The following TTC13 variants were observed in gnomAD, a reference collection of about 807,000 sequenced individuals.
TTC13 encodes the protein tetratricopeptide repeat protein 13.
Under a neutral mutation model 120.0 loss-of-function variants are expected in TTC13, and 62 were observed. That is an observed-to-expected ratio of 0.52 (90% CI 0.42 to 0.64). The LOEUF (loss-of-function observed/expected upper bound fraction) is 0.64, where lower values mean the gene tolerates loss of function less well. Ranked by LOEUF, TTC13 falls within the 30% of genes least tolerant of loss-of-function variation. The probability of loss-of-function intolerance (pLI) is 0.00; values close to 1 mark genes in which losing one functional copy is unlikely to be tolerated. For missense variants in TTC13, 824 were observed against 1,050.2 expected, an observed-to-expected ratio of 0.78 and a Z score of 2.98; for synonymous variants, 384 against 393.5, an observed-to-expected ratio of 0.98 and a Z score of 0.28.
intron 8 of TTC13, 73 bp downstream of exon 8, chr1:230,939,312 TC>T (rs1329779100): frequency 1.2e-6 from 1 of 827,594 alleles, no homozygotes; most frequent in Non-Finnish European, 1.9e-6. Flanking sequence ...CAGCCATCAA[TC>T]AAACGAAATT....
intron 1 of TTC13, among the ~76,000 whole-genome samples, chr1:230,972,083 G>T (rs1397829136): frequency 6.6e-6 from 1 of 152,224 alleles, no homozygotes; most frequent in Non-Finnish European, 1.5e-5. Context: ...AAGACAACTG[G>T]TCTTCTTGTG....
intron 12 of TTC13, among the ~76,000 whole-genome samples, chr1:230,926,678 C>G (rs1480251199): frequency 1.3e-5 from 2 of 152,166 alleles, no homozygotes; most frequent in South Asian, 2.1e-4. Context: ...CTCTTTTGTG[C>G]ATCGAAATAT....
intron 8 of TTC13, among the ~76,000 whole-genome samples, chr1:230,938,584 A>G (rs1330535870): frequency 6.6e-6 from 1 of 152,168 alleles, no homozygotes; most frequent in Non-Finnish European, 1.5e-5. Context: ...ATACTAATAC[A>G]GTCAATCAAA....
chr1:230,924,775 A>G, intron 14 of TTC13, 66 bp downstream of exon 14: 2 of 1,590,470 alleles, frequency 1.3e-6, no homozygotes, highest in Non-Finnish European at 1.7e-6. Flanking sequence ...CCTGTTAGCT[A>G]AAACAGACTG....
At chr1:230,923,976 C>T in intron 14 of TTC13, 43 bp from the exon 15 acceptor site, 1 of 1,489,368 alleles carries the variant, frequency 6.7e-7, no homozygotes, top group Non-Finnish European at 9.3e-7. Context: ...TGTTCAGAAG[C>T]ATTCCAAATA....
Position 230,912,637 on chromosome 1 carries a change from A to G in TTC13, c.2215T>C (p.Ser739Pro). Residue 739 changes from serine (S) to proline (P), a missense_variant, in exon 19 of 23, where the codon TCA becomes CCA. This residue lies in a region of TTC13 where 226 missense variants were observed against 259.1 expected (regional missense o/e 0.87). Transcript: ENST00000366661. ...LTAKGKVLILSSEFGEADAVC... is the reference protein window; with the variant it reads ...LTAKGKVLILPSEFGEADAVC... Reference sequence around the variant, plus strand: ...GAGAAACCTACCCCAAATTCTGATGAAAGAATCAATACTTTTCCTTTTGCT... The same window carrying G: ...GAGAAACCTACCCCAAATTCTGATGGAAGAATCAATACTTTTCCTTTTGCT... 1 of 1,611,076 alleles carries G rather than the reference A, an allele frequency of 6.2e-7. No homozygotes were observed. Among genetic ancestry groups the G allele is most frequent in the East Asian group, 2.2e-5 (1 of 44,734 alleles).
chr1:230,955,505 T>C (rs1414599033), intron 3 of TTC13, among the ~76,000 whole-genome samples: 2 of 114,382 alleles, frequency 1.7e-5, no homozygotes, highest in Non-Finnish European at 1.8e-5. Flanking sequence ...CTACTAAATA[T>C]ACAAAAAAAA....
At chr1:230,925,111 C>T in intron 13 of TTC13, 138 bp from the exon 14 acceptor site, 1 of 1,103,186 alleles carries the variant, frequency 9.1e-7, no homozygotes, top group Non-Finnish European at 1.3e-6. Context: ...AGACCCAAGG[C>T]ACGTTTCAGT....
chr1:230,968,034 T>C (rs915418543), intron 1 of TTC13, among the ~76,000 whole-genome samples: 3 of 152,240 alleles, frequency 2.0e-5, no homozygotes, highest in African/African-American at 7.2e-5. Context: ...CAGTTGCCTC[T>C]TAAGTTCTCA....
intron 1 of TTC13, among the ~76,000 whole-genome samples, chr1:230,966,076 G>T (rs1677096868): frequency 6.6e-6 from 1 of 151,894 alleles, no homozygotes; most frequent in African/African-American, 2.4e-5. Flanking sequence ...CCCTTATAAT[G>T]ATCTGTTTGT....
chr1:230,978,413 G>A lies in TTC13; in HGVS notation c.271+147C>T. The stretch of plus-strand genomic sequence containing the variant: ...GGGTGGCAGCGGCGGGAAGCTGCCC[G>A]CCAGGACCCCTGGCCGAGCCGGCTC... On this transcript the variant is annotated intron_variant, in intron 1 of 22. Coordinates refer to ENST00000366661, the MANE Select transcript of TTC13 (RefSeq NM_024525.5). The surrounding 1 kb of genome is among the most constrained non-coding windows in gnomAD (Gnocchi z 5.6). The A allele has an allele frequency of 1.0e-5, 2 of 193,196 alleles. No individual in the cohort carries two copies. Among genetic ancestry groups the A allele is most frequent in the Non-Finnish European group, 2.1e-5 (2 of 96,280 alleles). The allele number at this position is 193,196 out of a possible 1,614,324, so 12.0% of individuals were successfully genotyped here.
intron 17 of TTC13, among the ~76,000 whole-genome samples, chr1:230,916,857 T>C (rs1487645786): frequency 1.3e-5 from 2 of 152,234 alleles, no homozygotes; most frequent in Admixed American, 1.3e-4. Context: ...TAAGAATGGC[T>C]TTCGGAGTGA....
At chr1:230,958,033 C>T (rs1361214367) in intron 3 of TTC13, among the ~76,000 whole-genome samples, 191 bp downstream of exon 3, 1 of 76,786 alleles carries the variant, frequency 1.3e-5, no homozygotes, top group Admixed American at 1.0e-4. Context: ...ATTATTCCAT[C>T]CAAACCTTTT....
intron 1 of TTC13, among the ~76,000 whole-genome samples, chr1:230,970,477 G>A (rs1360001459): frequency 6.6e-6 from 1 of 152,200 alleles, no homozygotes; most frequent in Non-Finnish European, 1.5e-5. Flanking sequence ...AAGAGGAAAT[G>A]AGAGCCAGTG....
chr1:230,953,983 G>A (rs1675819292), intron 4 of TTC13, among the ~76,000 whole-genome samples: 1 of 152,190 alleles, frequency 6.6e-6, no homozygotes, highest in African/African-American at 2.4e-5. Context: ...TCTCATGGGA[G>A]ATATTGTGGT....
chr1:230,960,633 T>G (rs1676539433), intron 2 of TTC13, among the ~76,000 whole-genome samples: 2 of 149,724 alleles, frequency 1.3e-5, no homozygotes, highest in South Asian at 4.2e-4. Context: ...GCAAAGAGTA[T>G]CTATGCAGAT....
chr1:230,973,028 A>C (rs1477101697), intron 1 of TTC13, among the ~76,000 whole-genome samples: 2 of 152,234 alleles, frequency 1.3e-5, no homozygotes, highest in Non-Finnish European at 2.9e-5. Context: ...GAATGCCTTG[A>C]AAAACAAGAT....
At chr1:230,917,694 A>G (rs143653569) in intron 17 of TTC13, among the ~76,000 whole-genome samples, 55 of 152,316 alleles carry the variant, frequency 3.6e-4, no homozygotes, top group African/African-American at 1.3e-3. Flanking sequence ...CGAGAGGCAC[A>G]CTGAGGCTGG....
rs1349820108 is a variant in TTC13, at chr1:230,921,497, C to T, written c.1822G>A (p.Val608Met). The T allele has an allele frequency of 1.3e-6, 2 of 1,521,644 alleles. No homozygotes were observed. The highest frequency in any genetic ancestry group is 1.8e-6 in the Non-Finnish European group (2 of 1,121,844). The allele number at this position is 1,521,644 out of a possible 1,614,324, so 94.3% of individuals were successfully genotyped here. A position where few individuals can be genotyped will look rare whatever the true frequency, so the allele number is the denominator to read the frequency against. ...TATTCTAGGTATCTCATGTTGATCA[C>T]CTGACCCCTATAAGGCAAAAATAAT... is the stretch of plus-strand genomic sequence containing the variant. ...NNHINLIRGQVINMRYLEYFE... is the reference protein window; with the variant it reads ...NNHINLIRGQMINMRYLEYFE... The change falls in exon 16 of 23, where the codon GTG becomes ATG. Residue 608 changes from valine (V) to methionine (M), a missense_variant. By Grantham distance (21) the Val-to-Met change is conservative (BLOSUM62 1). Coordinates refer to ENST00000366661, the MANE Select transcript of TTC13 (RefSeq NM_024525.5).
Sources: allele counts gnomAD v4.1 joint callset (sites outside exome capture counted in the v4.1 genomes callset), GRCh38; gene constraint gnomAD v4.1.1; regional missense constraint gnomAD v4.1.1; non-coding constraint Gnocchi (gnomAD v3.1); transcripts MANE v1.5; gene names NCBI Gene and HGNC (gene_info 2026-07-23, HGNC 2026-07-21).